Variants in DPP6 observed in about 807,000 individuals in gnomAD.
DPP6 encodes the protein dipeptidyl peptidase like 6, also known as A-type potassium channel modulatory protein DPP6.
DPP6 carries 69 observed loss-of-function variants against 122.6 expected under a neutral mutation model. The ratio of observed to expected loss-of-function variants is 0.56; its 90% confidence interval spans 0.46 to 0.69. The LOEUF is 0.69. Ranked by LOEUF, DPP6 falls within the 30% of genes least tolerant of loss-of-function variation. The pLI, the probability that DPP6 is intolerant of heterozygous loss-of-function variation, is 0.00. For synonymous variants in DPP6, 418 were observed against 433.1 expected (o/e 0.97, Z 0.43); for missense variants, 928 against 1,116.9 (o/e 0.83, Z 2.41).
At chr7:154,614,677 A>G (rs770700483) in intron 5 of DPP6, among the ~76,000 whole-genome samples, 46 of 152,254 alleles carry the variant, frequency 3.0e-4, no homozygotes, top group Non-Finnish European at 5.6e-4. Flanking sequence ...TTCTCCTGAA[A>G]GCTAACTTTA....
At position 154,679,261 on chromosome 7, in the gene DPP6, G is replaced by A. The variant is rs924785916; in HGVS notation, c.762+9820G>A. ...ACAACATCAATTTCTACCTCCTGAAGTCGTCAGCCCCTTGTAACTATTCAG... is the reference window on the plus strand; with the variant it reads ...ACAACATCAATTTCTACCTCCTGAAATCGTCAGCCCCTTGTAACTATTCAG... On this transcript the variant is annotated intron_variant, in intron 7 of 25. Transcript: ENST00000377770. Among the ~76,000 whole-genome samples, 21 of 152,200 alleles carry A rather than the reference G, an allele frequency of 1.4e-4. 2 individuals are homozygous for A. Among genetic ancestry groups the A allele is most frequent in the Admixed American group, 1.0e-3 (16 of 15,282 alleles).
rs150529447 is a variant in DPP6, at chr7:154,395,559, T to C, written c.244-50655T>C. On this transcript the variant is annotated intron_variant, in intron 1 of 25. Coordinates refer to ENST00000377770, the MANE Select transcript of DPP6 (RefSeq NM_130797.4). ...TATCATTTCCTTTTCAGATTGTTCA[T>C]TGTTAGCATAGAGAAATTCAACTGA... is the stretch of plus-strand genomic sequence containing the variant. Among the ~76,000 whole-genome samples the C allele has an allele frequency of 1.1e-3, 167 of 152,314 alleles. 1 individual carries two copies. The highest frequency in any genetic ancestry group is 3.7e-3 in the East Asian group (19 of 5,182).
the DPP6 span, among the ~76,000 whole-genome samples, chr7:153,773,293 C>T: frequency 1.5e-5 from 1 of 67,732 alleles, no homozygotes; most frequent in African/African-American, 5.4e-5. Context: ...GTGTGTGTGT[C>T]TGTGTGTGTA....
At chr7:154,113,022 G>T (rs1806707182) in intron 1 of DPP6, among the ~76,000 whole-genome samples, 1 of 152,080 alleles carries the variant, frequency 6.6e-6, no homozygotes, top group African/African-American at 2.4e-5. Context: ...CATCCTGTAG[G>T]TTCAGTCATG....
At chr7:154,283,640 A>T (rs558414411) in intron 1 of DPP6, among the ~76,000 whole-genome samples, 10 of 152,340 alleles carry the variant, frequency 6.6e-5, no homozygotes, top group Admixed American at 1.3e-4. Context: ...TAGGAATTCC[A>T]GTAACAAGGA....
chr7:154,873,662 A>G (rs1302515135), intron 19 of DPP6, among the ~76,000 whole-genome samples: 1 of 152,208 alleles, frequency 6.6e-6, no homozygotes. Flanking sequence ...CCGTTTTGCA[A>G]TTAACCCACT....
chr7:154,748,043 T>A (rs1843117105), intron 8 of DPP6, among the ~76,000 whole-genome samples: 1 of 152,146 alleles, frequency 6.6e-6, no homozygotes, highest in Non-Finnish European at 1.5e-5. Context: ...TTGGTTTGCT[T>A]ACGTAATGGG....
At chr7:154,738,123 A>G (rs577004310) in intron 8 of DPP6, among the ~76,000 whole-genome samples, 1 of 152,344 alleles carries the variant, frequency 6.6e-6, no homozygotes, top group South Asian at 2.1e-4. Context: ...GATCTCAGAT[A>G]TGGTAAAGTC....
At chr7:154,044,737 T>C (rs2129059042) in intron 1 of DPP6, among the ~76,000 whole-genome samples, 1 of 152,308 alleles carries the variant, frequency 6.6e-6, no homozygotes, top group African/African-American at 2.4e-5. Context: ...AAGGAGTGGA[T>C]TCAGGAGAAT....
At chr7:153,854,060 A>T in the DPP6 span, among the ~76,000 whole-genome samples, 1 of 146,272 alleles carries the variant, frequency 6.8e-6, no homozygotes. Context: ...AGCTTCCTAC[A>T]TATGGCTAGC....
At chr7:154,541,115 A>T (rs1325759437) in intron 4 of DPP6, among the ~76,000 whole-genome samples, 1 of 152,180 alleles carries the variant, frequency 6.6e-6, no homozygotes, top group Non-Finnish European at 1.5e-5. Flanking sequence ...TGATTTGGGA[A>T]AACTTGTTTT....
intron 1 of DPP6, among the ~76,000 whole-genome samples, chr7:153,890,528 T>G (rs1478266122): frequency 6.6e-6 from 1 of 152,194 alleles, no homozygotes; most frequent in African/African-American, 2.4e-5. Flanking sequence ...ATAAAATCTT[T>G]AAAAAATGTT....
At chr7:154,305,307 T>G in intron 1 of DPP6, 1 of 1,355,588 alleles carries the variant, frequency 7.4e-7, no homozygotes. Context: ...CTCTGCTGCT[T>G]GCATTTAAAG....
At chr7:153,975,595 T>TTA (rs1245364324) in intron 1 of DPP6, among the ~76,000 whole-genome samples, 3 of 151,796 alleles carry the variant, frequency 2.0e-5, no homozygotes, top group African/African-American at 7.3e-5. Flanking sequence ...TTTTTTTTTT[T>TTA]ACTTGGTAGA....
chr7:154,472,733 A>G (rs758386749), intron 2 of DPP6, among the ~76,000 whole-genome samples: 2 of 152,346 alleles, frequency 1.3e-5, no homozygotes, highest in African/African-American at 2.4e-5. Context: ...CAAATGAGCC[A>G]TCTAGGTACA....
intron 1 of DPP6, among the ~76,000 whole-genome samples, chr7:153,956,315 A>C (rs1463343786): frequency 1.3e-5 from 2 of 152,068 alleles, no homozygotes; most frequent in Non-Finnish European, 2.9e-5. Flanking sequence ...GAGACAAGGC[A>C]GGACATGGAG....
intron 1 of DPP6, among the ~76,000 whole-genome samples, chr7:154,189,722 C>G (rs1331477969): frequency 1.3e-5 from 2 of 152,216 alleles, no homozygotes; most frequent in Non-Finnish European, 2.9e-5. Flanking sequence ...ACCAGCGAGG[C>G]TATCTTTGTA....
At chr7:154,149,145 C>T (rs1167538332) in intron 1 of DPP6, among the ~76,000 whole-genome samples, 8 of 152,234 alleles carry the variant, frequency 5.3e-5, no homozygotes, top group African/African-American at 1.4e-4. Context: ...ATAGCTGCAC[C>T]GCATCAGCAG....
At chr7:154,870,631 CA>C (rs1013588725) in intron 18 of DPP6, among the ~76,000 whole-genome samples, 52 of 151,780 alleles carry the variant, frequency 3.4e-4, no homozygotes, top group African/African-American at 1.2e-3. Flanking sequence ...AACAAACAAA[CA>C]AAAAATGGAG....
Sources: gnomAD v4.1 joint callset for allele counts (sites outside exome capture counted in the v4.1 genomes callset) on GRCh38, gnomAD v4.1.1 for gene constraint, MANE v1.5 for transcripts, NCBI Gene and HGNC (gene_info 2026-07-23, HGNC 2026-07-21) for gene names.